TUSC3: variants seen among roughly 807,000 people sequenced by gnomAD.
TUSC3 encodes dolichyl-diphosphooligosaccharide--protein glycosyltransferase subunit TUSC3.
TUSC3 carries 45 observed loss-of-function variants against 44.8 expected under a neutral mutation model. That is an observed-to-expected ratio of 1.00 (90% CI 0.79 to 1.29). The LOEUF is 1.29. TUSC3 is among the 50% of genes most tolerant of loss of function. The pLI is 0.00. For synonymous variants in TUSC3, 212 were observed against 152.9 expected (o/e 1.39, Z -2.85); for missense variants, 519 against 437.9 (o/e 1.19, Z -1.65).
intron 1 of TUSC3, among the ~76,000 whole-genome samples, chr8:15,447,906 A>G (rs1800127726): frequency 6.6e-6 from 1 of 151,520 alleles, no homozygotes; most frequent in Non-Finnish European, 1.5e-5. Flanking sequence ...TAAAGGATAT[A>G]AAGTTACATT....
chr8:15,422,233 A>C (rs1024219844), intron 1 of TUSC3, among the ~76,000 whole-genome samples: 10 of 152,224 alleles, frequency 6.6e-5, no homozygotes, highest in Non-Finnish European at 1.2e-4. Flanking sequence ...GTGTGAGTTT[A>C]TGATATGAAG....
At chr8:15,848,447 A>G in the TUSC3 span, among the ~76,000 whole-genome samples, 2,583 of 152,286 alleles carry the variant, frequency 0.017, 31 homozygotes, top group Non-Finnish European at 0.025. Context: ...TGAAAAACCC[A>G]GGGCAGGCTG....
chr8:15,728,661 T>TTA (rs1810594655), intron 6 of TUSC3, among the ~76,000 whole-genome samples: 3 of 152,164 alleles, frequency 2.0e-5, no homozygotes, highest in Non-Finnish European at 2.9e-5. Context: ...GTTTTAGCTG[T>TTA]TATCAGACTT....
chr8:15,457,834 A>G (rs532892725), intron 1 of TUSC3, among the ~76,000 whole-genome samples: 1 of 144,260 alleles, frequency 6.9e-6, no homozygotes, highest in Non-Finnish European at 1.5e-5. Context: ...ATTATTAATA[A>G]ATTAGATTAA....
At chr8:15,448,134 T>TA (rs1554502649) in intron 1 of TUSC3, among the ~76,000 whole-genome samples, 3 of 145,086 alleles carry the variant, frequency 2.1e-5, no homozygotes, top group Non-Finnish European at 3.0e-5. Context: ...TTTATTTATT[T>TA]TTTAGATGGA....
intron 1 of TUSC3, among the ~76,000 whole-genome samples, chr8:15,551,874 T>G (rs1270903878): frequency 6.6e-6 from 1 of 151,802 alleles, no homozygotes; most frequent in Non-Finnish European, 1.5e-5. Flanking sequence ...TCATAGCATT[T>G]GTATACATAG....
At chr8:15,608,440 A>G (rs767353591) in intron 1 of TUSC3, among the ~76,000 whole-genome samples, 2 of 152,142 alleles carry the variant, frequency 1.3e-5, no homozygotes, top group Non-Finnish European at 2.9e-5. Context: ...CTAGAATCTT[A>G]TCTCTAATAT....
At chr8:15,493,242 A>G (rs78277058) in intron 2 of TUSC3, among the ~76,000 whole-genome samples, 2,950 of 152,252 alleles carry the variant, frequency 0.019, 100 homozygotes, top group African/African-American at 0.067. Flanking sequence ...TATGAGTCCA[A>G]CTTTCAGACA....
chr8:15,837,850 T>C, the TUSC3 span, among the ~76,000 whole-genome samples: 1 of 152,218 alleles, frequency 6.6e-6, no homozygotes, highest in Non-Finnish European at 1.5e-5. Flanking sequence ...CTGTAGTATC[T>C]TGGTTTAGAA....
At chr8:15,738,331 A>G (rs1266691640) in intron 7 of TUSC3, among the ~76,000 whole-genome samples, 1 of 152,246 alleles carries the variant, frequency 6.6e-6, no homozygotes, top group African/African-American at 2.4e-5. Context: ...AAGTAAGAAT[A>G]AAGCTAAATT....
At chr8:15,699,022 A>G (rs1296651155) in intron 6 of TUSC3, among the ~76,000 whole-genome samples, 1 of 151,774 alleles carries the variant, frequency 6.6e-6, no homozygotes, top group African/African-American at 2.4e-5. Context: ...AATTTTTAAA[A>G]TTTTTTGTAG....
chr8:15,446,288 C>T (rs1800096352), intron 1 of TUSC3, among the ~76,000 whole-genome samples: 2 of 151,876 alleles, frequency 1.3e-5, no homozygotes, highest in South Asian at 4.2e-4. Flanking sequence ...CCAGACTGGG[C>T]AGCCAGGCAG....
chr8:15,621,476 CT>C (rs1393230898), intron 1 of TUSC3, among the ~76,000 whole-genome samples: 1 of 145,680 alleles, frequency 6.9e-6, no homozygotes, highest in Non-Finnish European at 1.5e-5. Flanking sequence ...GGTTATTTTA[CT>C]TTGGAAATAT....
At chr8:15,460,325 T>C (rs1800327771) in intron 1 of TUSC3, among the ~76,000 whole-genome samples, 2 of 152,136 alleles carry the variant, frequency 1.3e-5, no homozygotes, top group African/African-American at 4.8e-5. Flanking sequence ...TTGTTGGCCA[T>C]TTGTAAATCT....
the TUSC3 span, among the ~76,000 whole-genome samples, chr8:15,821,677 C>T: frequency 6.6e-6 from 1 of 152,026 alleles, no homozygotes; most frequent in African/African-American, 2.4e-5. Flanking sequence ...AGCAAACACC[C>T]TAAGCCAGGT....
At position 15,659,424 on chromosome 8, in the gene TUSC3, C is replaced by T. The variant is rs529252158; in HGVS notation, c.427-83C>T. 99 of 1,525,122 alleles carry T rather than the reference C, an allele frequency of 6.5e-5. No individual in the cohort carries two copies. In the African/African-American group the frequency reaches 1.0e-3, roughly 15 times the overall value. 94.5% of individuals were successfully genotyped at this position (1,525,122 alleles called of 1,614,324 possible). A position where few individuals can be genotyped will look rare whatever the true frequency, so the allele number is the denominator to read the frequency against. Reference sequence around the variant, plus strand: ...TTTTCATAATAAATGCTGTTTTCCCCGAATTTCTACAGAAAAAGTGTAAAA... The same window carrying T: ...TTTTCATAATAAATGCTGTTTTCCCTGAATTTCTACAGAAAAAGTGTAAAA... On this transcript the variant is annotated intron_variant, in intron 3 of 10. Coordinates refer to ENST00000503731, the MANE Select transcript of TUSC3 (RefSeq NM_006765.4).
the TUSC3 span, among the ~76,000 whole-genome samples, chr8:15,783,268 A>C: frequency 6.6e-6 from 1 of 152,232 alleles, no homozygotes; most frequent in African/African-American, 2.4e-5. Context: ...TAAAATGTTC[A>C]TACTGTCCAA....
intron 1 of TUSC3, among the ~76,000 whole-genome samples, chr8:15,427,351 G>A (rs1361707142): frequency 6.6e-6 from 1 of 151,850 alleles, no homozygotes; most frequent in Non-Finnish European, 1.5e-5. Context: ...CAGCCATCAG[G>A]TGATGGACAA....
At chr8:15,671,306 T>C (rs774453016) in intron 5 of TUSC3, among the ~76,000 whole-genome samples, 8 of 151,984 alleles carry the variant, frequency 5.3e-5, no homozygotes, top group Non-Finnish European at 1.2e-4. Flanking sequence ...CATGCCCTTT[T>C]TTGTATGAAT....
Sources: gnomAD v4.1 joint callset for allele counts (sites outside exome capture counted in the v4.1 genomes callset) on GRCh38, gnomAD v4.1.1 for gene constraint, MANE v1.5 for transcripts, NCBI Gene and HGNC (gene_info 2026-07-23, HGNC 2026-07-21) for gene names.